The following CMSS1 variants were observed in gnomAD, a reference collection of about 807,000 sequenced individuals.
The protein encoded by CMSS1 is protein CMSS1.
In CMSS1, 33 loss-of-function variants were observed where a neutral mutation model predicts 43.5. That is an observed-to-expected ratio of 0.76 (90% CI 0.57 to 1.01). The LOEUF is 1.01. CMSS1 is among the 50% of genes least tolerant of loss of function. The probability of loss-of-function intolerance (pLI) is 0.00; values close to 1 mark genes in which losing one functional copy is unlikely to be tolerated. For missense variants in CMSS1, 313 were observed against 326.4 expected (o/e 0.96, Z 0.32); for synonymous variants, 115 against 117.2 (o/e 0.98, Z 0.12).
chr3:99,856,628 T>G (rs1158824358), intron 1 of CMSS1, among the ~76,000 whole-genome samples: 1 of 152,232 alleles, frequency 6.6e-6, no homozygotes, highest in East Asian at 1.9e-4. Flanking sequence ...TTACTGTGGT[T>G]TATCACTATT....
rs746318060 is a variant in CMSS1, at chr3:99,849,352, C to T, written c.64+31309C>T. The T allele has an allele frequency of 4.3e-6, 7 of 1,614,070 alleles. No individual in the cohort carries two copies. In the East Asian group the frequency reaches 6.7e-5, roughly 15 times the overall value. ...AGGCCTGAGGCTCTTACTGAAATGCCGGTACCTCTCTAACTCCTTAGTGAG... is the reference window on the plus strand; with the variant it reads ...AGGCCTGAGGCTCTTACTGAAATGCTGGTACCTCTCTAACTCCTTAGTGAG... On this transcript the variant is annotated intron_variant, in intron 1 of 9. Coordinates refer to ENST00000421999, the MANE Select transcript of CMSS1 (RefSeq NM_032359.4).
At chr3:99,959,429 C>T (rs529908455) in intron 1 of CMSS1, among the ~76,000 whole-genome samples, 5 of 152,252 alleles carry the variant, frequency 3.3e-5, no homozygotes, top group Admixed American at 1.3e-4. Context: ...GGATTACAGG[C>T]GTGAGCCACC....
chr3:100,024,221 T>A (rs1448953333), intron 1 of CMSS1, among the ~76,000 whole-genome samples: 1 of 152,178 alleles, frequency 6.6e-6, no homozygotes, highest in African/African-American at 2.4e-5. Context: ...TTACTCCCTT[T>A]CCCATTGCAG....
chr3:99,896,641 A>G lies in CMSS1; in HGVS notation c.64+78598A>G, dbSNP rs148801679. On this transcript the variant is annotated intron_variant, in intron 1 of 9. Coordinates refer to ENST00000421999, the MANE Select transcript of CMSS1 (RefSeq NM_032359.4). ...GCTAAGAACAAAGGAACAGGCACCAAATTACTATCTTCTGGAGTGCTCTTC... is the reference window on the plus strand; with the variant it reads ...GCTAAGAACAAAGGAACAGGCACCAGATTACTATCTTCTGGAGTGCTCTTC... Among the ~76,000 whole-genome samples, 56 of 152,310 alleles carry G rather than the reference A, an allele frequency of 3.7e-4. 1 individual carries two copies. In the East Asian group the frequency reaches 0.01, roughly 28 times the overall value.
chr3:100,141,478 G>T (rs1046385229), intron 1 of CMSS1: 5 of 446,590 alleles, frequency 1.1e-5, no homozygotes, highest in African/African-American at 8.1e-5. Context: ...CGGTCTTAAC[G>T]TACTCTTTTG....
intron 1 of CMSS1, among the ~76,000 whole-genome samples, chr3:100,142,562 A>T (rs1476408155): frequency 6.6e-6 from 1 of 152,172 alleles, no homozygotes; most frequent in Non-Finnish European, 1.5e-5. Context: ...ATACCAAGGG[A>T]CTACTGTATT....
chr3:100,112,253 T>C (rs1001594361), intron 1 of CMSS1, among the ~76,000 whole-genome samples: 3 of 152,198 alleles, frequency 2.0e-5, no homozygotes, highest in Non-Finnish European at 2.9e-5. Context: ...GGGTATTACA[T>C]TGGTAATGAA....
intron 7 of CMSS1, 168 bp from the exon 8 acceptor site, chr3:100,172,148 C>A (rs2067115311): frequency 7.6e-6 from 5 of 656,338 alleles, no homozygotes; most frequent in Non-Finnish European, 1.3e-5. Flanking sequence ...TTGAAGATTA[C>A]CAGTTTTCTA....
chr3:100,142,674 A>AT (rs2066814796), intron 1 of CMSS1, among the ~76,000 whole-genome samples: 1 of 152,184 alleles, frequency 6.6e-6, no homozygotes, highest in Non-Finnish European at 1.5e-5. Context: ...TCATTCATTG[A>AT]TTTTTAAACA....
At chr3:99,973,601 A>G (rs1708885393) in intron 1 of CMSS1, among the ~76,000 whole-genome samples, 1 of 152,218 alleles carries the variant, frequency 6.6e-6, no homozygotes, top group Non-Finnish European at 1.5e-5. Flanking sequence ...CAGATCTTAT[A>G]GAATTTATAC....
chr3:99,905,538 C>T (rs977250159), intron 1 of CMSS1, among the ~76,000 whole-genome samples: 2 of 152,152 alleles, frequency 1.3e-5, no homozygotes, highest in South Asian at 2.1e-4. Context: ...CCATTTTTCT[C>T]GTTTATTGAG....
intron 1 of CMSS1, among the ~76,000 whole-genome samples, chr3:99,867,491 CAAAG>C (rs1356760575): frequency 1.3e-5 from 2 of 152,134 alleles, no homozygotes; most frequent in Admixed American, 6.5e-5. Context: ...CAGCTAAAAA[CAAAG>C]AAAGCAGAAC....
At chr3:100,124,667 G>T (rs2066648693) in intron 1 of CMSS1, among the ~76,000 whole-genome samples, 1 of 152,106 alleles carries the variant, frequency 6.6e-6, no homozygotes, top group Admixed American at 6.5e-5. Flanking sequence ...GGACATCCTA[G>T]AGGAGGAAAT....
In CMSS1 at chr3:99,981,871, G is replaced by A. The variant is rs78329667; in HGVS notation, c.64+163828G>A. ...AGTCAAGCCACGGCCAGGCATGGTG[G>A]CTCACACCTGTAATCCCAGCAAGGC... On this transcript the variant is annotated intron_variant, in intron 1 of 9. Coordinates refer to ENST00000421999, the MANE Select transcript of CMSS1 (RefSeq NM_032359.4). 6.4e-3 allele frequency among the ~76,000 whole-genome samples: 974 copies of A among 152,286 alleles called. 11 individuals carry two copies. The highest frequency in any genetic ancestry group is 9.8e-3 in the Non-Finnish European group (667 of 68,030).
At chr3:100,011,253 T>C (rs1710148116) in intron 1 of CMSS1, among the ~76,000 whole-genome samples, 1 of 152,170 alleles carries the variant, frequency 6.6e-6, no homozygotes, top group Non-Finnish European at 1.5e-5. Flanking sequence ...GAATTCTTTT[T>C]TCCTCAGGGA....
intron 1 of CMSS1, among the ~76,000 whole-genome samples, chr3:99,980,904 A>G (rs927143773): frequency 6.6e-6 from 1 of 152,162 alleles, no homozygotes; most frequent in Non-Finnish European, 1.5e-5. Context: ...TGAATCGGGT[A>G]CTTGAAACCC....
rs2066622163 is a variant in CMSS1, at chr3:100,121,542, A to C, written c.65-25431A>C. Among the ~76,000 whole-genome samples the C allele has an allele frequency of 2.0e-5, 3 of 152,292 alleles. No homozygotes were observed. In the East Asian group the frequency reaches 5.8e-4, roughly 29 times the overall value. ...TCTTTGCTATTGTGAATAGTGACAC[A>C]ATAAACATACGTGTACATGTGATGC... On this transcript the variant is annotated intron_variant, in intron 1 of 9. Transcript: ENST00000421999.
At chr3:100,022,791 A>G (rs1482701530) in intron 1 of CMSS1, among the ~76,000 whole-genome samples, 1 of 152,182 alleles carries the variant, frequency 6.6e-6, no homozygotes, top group Admixed American at 6.5e-5. Flanking sequence ...GTACTTATTT[A>G]AAAACATCAG....
chr3:99,938,084 CGCGCGCGT>C (rs973533152), intron 1 of CMSS1, among the ~76,000 whole-genome samples: 2 of 151,510 alleles, frequency 1.3e-5, no homozygotes, highest in African/African-American at 4.9e-5. Flanking sequence ...TGCGCGCGCG[CGCGCGCGT>C]GCATGCACAC....
Sources: allele counts gnomAD v4.1 joint callset (sites outside exome capture counted in the v4.1 genomes callset), GRCh38; gene constraint gnomAD v4.1.1; transcripts MANE v1.5; gene names NCBI Gene and HGNC (gene_info 2026-07-23, HGNC 2026-07-21).